Variants in SEMA3C observed in about 807,000 individuals in gnomAD.
SEMA3C encodes semaphorin-3C.
Under a neutral mutation model 89.4 loss-of-function variants are expected in SEMA3C, and 47 were observed. That is an observed-to-expected ratio of 0.53 (90% CI 0.42 to 0.67). SEMA3C has a LOEUF of 0.67. Among genes scored for constraint, SEMA3C ranks in the 30% least tolerant of loss-of-function variants. The pLI, the probability that SEMA3C is intolerant of heterozygous loss-of-function variation, is 0.00. For synonymous variants in SEMA3C, 310 were observed against 320.2 expected (o/e 0.97, Z 0.34); for missense variants, 839 against 929.1 (o/e 0.90, Z 1.26).
chr7:80,841,740 T>G (rs181313130), intron 2 of SEMA3C, among the ~76,000 whole-genome samples: 1 of 152,314 alleles, frequency 6.6e-6, no homozygotes, highest in Non-Finnish European at 1.5e-5. Context: ...AAACTCATTT[T>G]CTTTTGAACA....
chr7:80,825,955 C>G (rs1789863325), intron 4 of SEMA3C, among the ~76,000 whole-genome samples: 1 of 151,912 alleles, frequency 6.6e-6, no homozygotes, highest in Admixed American at 6.6e-5. Context: ...TGGATTTTTT[C>G]CCCCAAGATT....
At position 80,820,051 on chromosome 7, in the gene SEMA3C, C is replaced by A. The variant is rs1011556596; in HGVS notation, c.328-1633G>T. Among the ~76,000 whole-genome samples, 3 of 142,972 alleles carry A rather than the reference C, an allele frequency of 2.1e-5. No homozygotes were observed. The South Asian group carries it at 6.7e-4, about 32-fold the overall frequency. 93.8% of individuals were successfully genotyped at this position (142,972 alleles called of 152,430 possible). A position where few individuals can be genotyped will look rare whatever the true frequency, so the allele number is the denominator to read the frequency against. ...TTCCCCCTGCTAGGTACCATGTATG[C>A]TCCTTTTTTTTTTTTTTTTTTTTAG... On this transcript the variant is annotated intron_variant, in intron 4 of 17. Transcript: ENST00000265361.
chr7:80,796,092 A>T (rs914488558), intron 11 of SEMA3C, among the ~76,000 whole-genome samples: 3 of 152,164 alleles, frequency 2.0e-5, no homozygotes, highest in Non-Finnish European at 4.4e-5. Context: ...TTGCAAATCA[A>T]CTGCTCCTGT....
At chr7:80,803,844 CTTGAA>C (rs992202069) in intron 8 of SEMA3C, among the ~76,000 whole-genome samples, 38 of 151,968 alleles carry the variant, frequency 2.5e-4, no homozygotes, top group Admixed American at 5.9e-4. Flanking sequence ...AAAATATTTT[CTTGAA>C]TTAAGATTTT....
intron 2 of SEMA3C, among the ~76,000 whole-genome samples, chr7:80,890,098 T>C (rs556752082): frequency 8.5e-5 from 13 of 152,360 alleles, no homozygotes; most frequent in African/African-American, 2.2e-4. Flanking sequence ...AAAAGGTCTA[T>C]TGATTTTGAA....
chr7:80,915,183 T>C (rs764291205), intron 2 of SEMA3C, among the ~76,000 whole-genome samples: 23 of 152,262 alleles, frequency 1.5e-4, no homozygotes, highest in Admixed American at 3.9e-4. Flanking sequence ...AGTTCTAACT[T>C]GGGAGGAAAA....
intron 2 of SEMA3C, among the ~76,000 whole-genome samples, chr7:80,903,478 T>A (rs2116208348): frequency 6.6e-6 from 1 of 152,222 alleles, no homozygotes; most frequent in Non-Finnish European, 1.5e-5. Flanking sequence ...CTGGCCAACA[T>A]GGTGAAACCC....
intron 2 of SEMA3C, among the ~76,000 whole-genome samples, chr7:80,891,127 G>C (rs1791601287): frequency 6.6e-6 from 1 of 152,142 alleles, no homozygotes; most frequent in Admixed American, 6.5e-5. Context: ...CCATGTAATA[G>C]AGGTCTACCT....
intron 1 of SEMA3C, 65 bp from the exon 2 acceptor site, chr7:80,916,884 C>A: frequency 7.3e-7 from 1 of 1,362,602 alleles, no homozygotes; most frequent in Non-Finnish European, 1.0e-6. Context: ...GAAAAAACAG[C>A]AATCTAGACA....
At chr7:80,797,154 T>G (rs1045111595) in intron 11 of SEMA3C, among the ~76,000 whole-genome samples, 5 of 152,238 alleles carry the variant, frequency 3.3e-5, no homozygotes, top group African/African-American at 1.2e-4. Context: ...ATTATAGCCC[T>G]ATTTTATGAA....
At chr7:80,921,371 G>A (rs1412822103), upstream of SEMA3C, among the ~76,000 whole-genome samples, 2 of 152,118 alleles carry the variant, frequency 1.3e-5, no homozygotes, top group Middle Eastern at 3.2e-3. Flanking sequence ...TCAAGCGCAA[G>A]GACACAGTGC....
upstream of SEMA3C, chr7:80,919,289 A>C: frequency 1.0e-6 from 1 of 984,008 alleles, no homozygotes; most frequent in South Asian, 4.7e-5. Flanking sequence ...GGCTGGCCAG[A>C]CGCAAGAATG....
intron 12 of SEMA3C, among the ~76,000 whole-genome samples, chr7:80,784,934 C>G (rs1012407083): frequency 2.0e-5 from 3 of 152,002 alleles, no homozygotes; most frequent in African/African-American, 2.4e-5. Context: ...GTTTGCCAAC[C>G]CATAGACTAG....
At chr7:80,791,657 C>T (rs1788942885) in intron 11 of SEMA3C, among the ~76,000 whole-genome samples, 1 of 152,184 alleles carries the variant, frequency 6.6e-6, no homozygotes, top group African/African-American at 2.4e-5. Flanking sequence ...ATAAAATCCT[C>T]GTGCTTCCAG....
intron 12 of SEMA3C, among the ~76,000 whole-genome samples, chr7:80,786,081 TATTAGGA>T (rs1326764037): frequency 6.6e-6 from 1 of 152,212 alleles, no homozygotes; most frequent in Non-Finnish European, 1.5e-5. Context: ...CACACTTTCC[TATTAGGA>T]TGGGATCCTC....
intron 16 of SEMA3C, among the ~76,000 whole-genome samples, chr7:80,749,460 G>A (rs1787876362): frequency 6.6e-6 from 1 of 152,124 alleles, no homozygotes; most frequent in East Asian, 1.9e-4. Context: ...CATTCCTAAA[G>A]TCCATACTCA....
chr7:80,827,418 CACTT>C lies in SEMA3C; in HGVS notation c.327+3_327+6del. The stretch of plus-strand genomic sequence containing the variant: ...TTTTTTTTTTTTTTTTTTTTTTTAA[CACTT>C]ACTGTGGGATCTTTGCCAGCCATTT... On this transcript the variant is annotated splice_donor_5th_base_variant and intron_variant, in intron 4 of 17. Coordinates refer to ENST00000265361, the MANE Select transcript of SEMA3C (RefSeq NM_006379.5). 1.1e-6 allele frequency: 1 copy of C among 890,280 alleles called. No homozygotes were observed. The allele number at this position is 890,280 out of a possible 1,614,324, so 55.1% of individuals were successfully genotyped here.
At chr7:80,756,936 A>G (rs1788079246) in intron 15 of SEMA3C, among the ~76,000 whole-genome samples, 1 of 152,074 alleles carries the variant, frequency 6.6e-6, no homozygotes, top group South Asian at 2.1e-4. Context: ...TTCCTTATTT[A>G]TTTATTATCG....
At chr7:80,752,434 A>C (rs1787957067) in intron 15 of SEMA3C, among the ~76,000 whole-genome samples, 1 of 151,844 alleles carries the variant, frequency 6.6e-6, no homozygotes, top group Non-Finnish European at 1.5e-5. Context: ...ACACAGTAAA[A>C]CCCCGTCTCT....
Sources: allele counts gnomAD v4.1 joint callset (sites outside exome capture counted in the v4.1 genomes callset), GRCh38; gene constraint gnomAD v4.1.1; transcripts MANE v1.5; gene names NCBI Gene and HGNC (gene_info 2026-07-23, HGNC 2026-07-21).